The following GOLGA8B variants were observed in gnomAD, a reference collection of about 807,000 sequenced individuals.
The protein encoded by GOLGA8B is golgin subfamily A member 8B.
Under a neutral mutation model 15.6 loss-of-function variants are expected in GOLGA8B, and 1 was observed. The ratio of observed to expected loss-of-function variants is 0.06; its 90% confidence interval spans 0.02 to 0.30. The LOEUF (loss-of-function observed/expected upper bound fraction) is 0.30. Ranked by LOEUF, GOLGA8B falls within the 10% of genes least tolerant of loss-of-function variation. The pLI, the probability that GOLGA8B is intolerant of heterozygous loss-of-function variation, is 1.00. For synonymous variants in GOLGA8B, 9 were observed against 80.3 expected, an observed-to-expected ratio of 0.11 and a Z score of 4.75; for missense variants, 17 against 201.3, an observed-to-expected ratio of 0.08 and a Z score of 5.54.
intron 1 of GOLGA8B, among the ~76,000 whole-genome samples, chr15:34,554,182 G>A (rs1423447347): frequency 1.4e-5 from 2 of 146,970 alleles, no homozygotes; most frequent in Non-Finnish European, 3.0e-5. Context: ...GAACTTGGGT[G>A]GAGATGGGGA....
At chr15:34,579,705 G>A (rs1889178104) in intron 1 of GOLGA8B, among the ~76,000 whole-genome samples, 1 of 152,138 alleles carries the variant, frequency 6.6e-6, no homozygotes, top group African/African-American at 2.4e-5. Flanking sequence ...AACACAGCTG[G>A]GTTCCAGCTC....
At chr15:34,574,661 TG>T (rs997317854) in intron 1 of GOLGA8B, among the ~76,000 whole-genome samples, 3 of 151,908 alleles carry the variant, frequency 2.0e-5, no homozygotes, top group Non-Finnish European at 4.4e-5. Flanking sequence ...CTACAGCACA[TG>T]GAAGTAACAA....
intron 1 of GOLGA8B, among the ~76,000 whole-genome samples, chr15:34,573,430 G>A (rs573354610): frequency 6.6e-6 from 1 of 151,644 alleles, no homozygotes; most frequent in Non-Finnish European, 1.5e-5. Context: ...CCAGCTACTC[G>A]GGAGGCTGAG....
chr15:34,577,825 T>C (rs1003015014), intron 1 of GOLGA8B, among the ~76,000 whole-genome samples: 1 of 152,244 alleles, frequency 6.6e-6, no homozygotes, highest in African/African-American at 2.4e-5. Flanking sequence ...TTTCTATGAA[T>C]GGACCTTCCA....
intron 1 of GOLGA8B, among the ~76,000 whole-genome samples, chr15:34,571,638 A>C (rs62006253): frequency 0.35 from 48,467 of 139,178 alleles, 8,862 homozygotes; most frequent in Admixed American, 0.43. Flanking sequence ...AACTACATCC[A>C]CAAATCACAC....
At position 34,569,866 on chromosome 15, in the gene GOLGA8B, C is replaced by T. The variant is rs528141760; in HGVS notation, c.-1123+13650G>A. On this transcript the variant is annotated intron_variant, in intron 1 of 23. Transcript: ENST00000683415. The stretch of plus-strand genomic sequence containing the variant: ...CTAGAACATAAATGACAGGGAACAA[C>T]TGAGGATGACCCTGAGCTTCACAGA... Among the ~76,000 whole-genome samples the T allele has an allele frequency of 1.1e-4, 16 of 151,996 alleles. No homozygotes were observed. The East Asian group carries it at 3.1e-3, about 29-fold the overall frequency.
intron 1 of GOLGA8B, among the ~76,000 whole-genome samples, chr15:34,562,236 GTTC>G (rs1290544671): frequency 6.6e-5 from 2 of 30,352 alleles, no homozygotes; most frequent in South Asian, 1.0e-3. Flanking sequence ...AGGATAGTCA[GTTC>G]TTCTTTTTGG....
At chr15:34,579,996 T>TA (rs1261561366) in intron 1 of GOLGA8B, among the ~76,000 whole-genome samples, 1 of 152,164 alleles carries the variant, frequency 6.6e-6, no homozygotes, top group Non-Finnish European at 1.5e-5. Flanking sequence ...GTAACGCTAA[T>TA]TTATGCAGGG....
At chr15:34,556,985 G>A (rs1444483690) in intron 1 of GOLGA8B, among the ~76,000 whole-genome samples, 1 of 147,702 alleles carries the variant, frequency 6.8e-6, no homozygotes, top group Non-Finnish European at 1.5e-5. Flanking sequence ...ATGTTGCGTG[G>A]ATGCTCCGGC....
chr15:34,573,078 C>T (rs1315856649), intron 1 of GOLGA8B, among the ~76,000 whole-genome samples: 3 of 152,328 alleles, frequency 2.0e-5, no homozygotes, highest in East Asian at 3.9e-4. Flanking sequence ...ATAGCAACAC[C>T]TCCATCTCAA....
intron 1 of GOLGA8B, chr15:34,556,737 A>C: frequency 8.1e-7 from 1 of 1,236,206 alleles, no homozygotes; most frequent in East Asian, 2.5e-5. Flanking sequence ...TCCCGAGGCC[A>C]AGCACCCCGG....
chr15:34,580,984 C>T (rs1458141722), intron 1 of GOLGA8B, among the ~76,000 whole-genome samples: 4 of 152,190 alleles, frequency 2.6e-5, no homozygotes, highest in African/African-American at 2.4e-5. Context: ...CCAGGGCCGC[C>T]ACCCAGGCCC....
In GOLGA8B at chr15:34,552,972, T is replaced by C. The variant is rs1888408108; in HGVS notation, c.-791A>G. On this transcript the variant is annotated 5_prime_UTR_variant, in exon 3 of 24. Transcript: ENST00000683415. Reference sequence around the variant, plus strand: ...CTGAAAGCCTCTGCGTCACACTGCGTGAGTTAGTTGGGAAAGAGAGCTCCC... The same window carrying C: ...CTGAAAGCCTCTGCGTCACACTGCGCGAGTTAGTTGGGAAAGAGAGCTCCC... The C allele has an allele frequency of 8.0e-6, 1 of 124,706 alleles. No individual in the cohort carries two copies. Among genetic ancestry groups the C allele is most frequent in the Non-Finnish European group, 1.8e-5 (1 of 56,932 alleles). 7.7% of individuals were successfully genotyped at this position (124,706 alleles called of 1,614,324 possible).
intron 1 of GOLGA8B, among the ~76,000 whole-genome samples, chr15:34,579,013 C>T (rs776921873): frequency 5.9e-5 from 9 of 152,090 alleles, no homozygotes; most frequent in South Asian, 4.1e-4. Context: ...GGAGTCCTTG[C>T]TATCATAAAA....
intron 1 of GOLGA8B, among the ~76,000 whole-genome samples, chr15:34,578,394 C>T (rs72726708): frequency 6.6e-6 from 1 of 152,160 alleles, no homozygotes; most frequent in Non-Finnish European, 1.5e-5. Context: ...AAAATTAGCC[C>T]CTGTACTTGC....
At chr15:34,543,277 G>T (rs1595699401) in intron 7 of GOLGA8B, among the ~76,000 whole-genome samples, 1 of 140,126 alleles carries the variant, frequency 7.1e-6, no homozygotes, top group South Asian at 2.4e-4. Flanking sequence ...GGGCTCAAGT[G>T]ATCCTCCCAC....
chr15:34,577,183 T>C (rs981517065), intron 1 of GOLGA8B, among the ~76,000 whole-genome samples: 1 of 152,076 alleles, frequency 6.6e-6, no homozygotes, highest in Non-Finnish European at 1.5e-5. Flanking sequence ...CTAGAGCACA[T>C]GGCTCACTTA....
At chr15:34,546,736 C>T (rs2140335274) in intron 5 of GOLGA8B, among the ~76,000 whole-genome samples, 199 bp downstream of exon 5, 1 of 85,920 alleles carries the variant, frequency 1.2e-5, no homozygotes, top group Middle Eastern at 5.5e-3. Flanking sequence ...TAGGCATGAG[C>T]CACCACGCCC....
In GOLGA8B at chr15:34,528,257, TC is replaced by T; in HGVS notation, c.1384del (p.Asp462ThrfsTer164). On this transcript the variant is annotated frameshift_variant, in exon 22 of 24. Coordinates refer to ENST00000683415, the MANE Select transcript of GOLGA8B (RefSeq NM_001023567.5). LOFTEE classifies it high-confidence loss of function. ...KVHRLLTEPG[D>X]SAKDASPGGG... The stretch of plus-strand genomic sequence containing the variant: ...TCCCGGTGACGCATCTTTGGCACTG[TC>T]CCCTGGCTCTGTTAGAAGGCGATGT... 1 of 363,794 alleles carries T rather than the reference TC, an allele frequency of 2.7e-6. No homozygotes were observed. Among genetic ancestry groups the T allele is most frequent in the Non-Finnish European group, 4.6e-6 (1 of 219,742 alleles). The allele number at this position is 363,794 out of a possible 1,614,324, so 22.5% of individuals were successfully genotyped here.
Sources: gnomAD v4.1 joint callset for allele counts (sites outside exome capture counted in the v4.1 genomes callset) on GRCh38, gnomAD v4.1.1 for gene constraint, MANE v1.5 for transcripts, NCBI Gene and HGNC (gene_info 2026-07-23, HGNC 2026-07-21) for gene names.